Variants in CDH19 observed in about 807,000 individuals in gnomAD.
CDH19 encodes the protein cadherin-19.
CDH19 carries 67 observed loss-of-function variants against 64.2 expected under a neutral mutation model. The ratio of observed to expected loss-of-function variants is 1.04; its 90% CI spans 0.86 to 1.28. The LOEUF is 1.28. Among genes scored for constraint, CDH19 ranks in the 50% most tolerant of loss-of-function variants. The probability of loss-of-function intolerance (pLI) is 0.00; values close to 1 mark genes in which losing one functional copy is unlikely to be tolerated. For synonymous variants in CDH19, 346 were observed against 319.3 expected (o/e 1.08, Z -0.89); for missense variants, 1,030 against 929.0 (o/e 1.11, Z -1.41).
chr18:66,571,925 G>T, intron 2 of CDH19, 85 bp downstream of exon 2: 1 of 950,210 alleles, frequency 1.1e-6, no homozygotes. Flanking sequence ...GTAAAAATGT[G>T]GAACTCATCA....
At chr18:66,509,281 C>G (rs553634152) in intron 10 of CDH19, 35 bp from the exon 11 acceptor site, 2 of 1,595,296 alleles carry the variant, frequency 1.3e-6, no homozygotes, top group Non-Finnish European at 1.7e-6. Context: ...ATTTTTTCAA[C>G]TACGTAAGAG....
rs567588699 is a variant in CDH19 at position 66,559,647 on chromosome 18, G to A, written c.491-5123C>T. ...TTAGCAAGTCAACAGGGACACAAATGTTATATAAAAGTGCATTTTTTAATA... is the reference window on the plus strand; with the variant it reads ...TTAGCAAGTCAACAGGGACACAAATATTATATAAAAGTGCATTTTTTAATA... On this transcript the variant is annotated intron_variant, in intron 3 of 11. Coordinates refer to ENST00000262150, the MANE Select transcript of CDH19 (RefSeq NM_021153.4). 2.5e-3 allele frequency among the ~76,000 whole-genome samples: 371 copies of A among 150,068 alleles called. 1 individual carries two copies. The highest frequency in any genetic ancestry group is 4.2e-3 in the Non-Finnish European group (282 of 67,524).
rs566170929 is a variant in CDH19, at chr18:66,590,523, C to A, written c.-113+13431G>T. On this transcript the variant is annotated intron_variant, in intron 1 of 11. Coordinates refer to ENST00000262150, the MANE Select transcript of CDH19 (RefSeq NM_021153.4). The stretch of plus-strand genomic sequence containing the variant: ...AAGCCATTTTCTGGAATACGTATAT[C>A]TTTAAAAAAAAAAAAAGAAAATGCA... Among the ~76,000 whole-genome samples the A allele has an allele frequency of 8.7e-4, 85 of 97,770 alleles. 2 individuals are homozygous for A. The highest frequency in any genetic ancestry group is 3.1e-3 in the African/African-American group (80 of 26,062). 64.1% of individuals were successfully genotyped at this position (97,770 alleles called of 152,430 possible). A position where few individuals can be genotyped will look rare whatever the true frequency, so the allele number is the denominator to read the frequency against.
At chr18:66,523,688 C>T (rs769761977) in intron 9 of CDH19, among the ~76,000 whole-genome samples, 1 of 151,640 alleles carries the variant, frequency 6.6e-6, no homozygotes, top group Non-Finnish European at 1.5e-5. Flanking sequence ...AGTGCCTGTA[C>T]ATTTGGTACA....
chr18:66,596,920 A>C (rs1988906661), intron 1 of CDH19, among the ~76,000 whole-genome samples: 1 of 149,636 alleles, frequency 6.7e-6, no homozygotes, highest in East Asian at 2.0e-4. Flanking sequence ...GTCTCTACTA[A>C]AAATACAAAA....
intron 1 of CDH19, among the ~76,000 whole-genome samples, chr18:66,578,449 G>T (rs1320615541): frequency 6.6e-6 from 1 of 151,782 alleles, no homozygotes; most frequent in Non-Finnish European, 1.5e-5. Flanking sequence ...TTACTAGAAC[G>T]AATATAATTA....
chr18:66,557,721 T>C (rs974993089), intron 3 of CDH19, among the ~76,000 whole-genome samples: 3 of 151,936 alleles, frequency 2.0e-5, no homozygotes, highest in Non-Finnish European at 4.4e-5. Context: ...CTTACATTTT[T>C]TGTGTGTGAG....
At chr18:66,506,986 T>A (rs548494637) in intron 11 of CDH19, among the ~76,000 whole-genome samples, 1 of 151,854 alleles carries the variant, frequency 6.6e-6, no homozygotes, top group Admixed American at 6.6e-5. Flanking sequence ...GAGATAAACA[T>A]TTATAAAACA....
At chr18:66,564,865 CT>C (rs34986036) in intron 3 of CDH19, among the ~76,000 whole-genome samples, 65,081 of 144,386 alleles carry the variant, frequency 0.45, 14,302 homozygotes, top group Middle Eastern at 0.52. Flanking sequence ...AATGCCCCTT[CT>C]TTTTTTTTTT....
At chr18:66,539,962 C>G (rs879588977) in intron 7 of CDH19, among the ~76,000 whole-genome samples, 133 of 151,998 alleles carry the variant, frequency 8.8e-4, no homozygotes, top group Non-Finnish European at 1.3e-3. Context: ...CAAGAACTTC[C>G]TCTAAATGTA....
chr18:66,598,347 T>A (rs760898640), intron 1 of CDH19, among the ~76,000 whole-genome samples: 7 of 152,094 alleles, frequency 4.6e-5, no homozygotes, highest in Non-Finnish European at 8.8e-5. Flanking sequence ...TAACTATATA[T>A]TTGAAGGAAT....
rs555527146 is a variant in CDH19, at chr18:66,568,689, C to T, written c.217G>A (p.Gly73Arg). ...IGQLRSDLDN[G>R]NNSFQYKLLG... ...AGCTTGTACTGGAAAGAATTGTTTCCATTGTCTAAATCAGATCTTAGCTGC... is the reference window on the plus strand; with the variant it reads ...AGCTTGTACTGGAAAGAATTGTTTCTATTGTCTAAATCAGATCTTAGCTGC... The change falls in exon 3 of 12, where the codon GGA (glycine) becomes AGA (arginine). Residue 73 changes from glycine (G) to arginine (R), a missense_variant. Gly to Arg is a moderately radical substitution (Grantham distance 125). Transcript: ENST00000262150. 29 of 1,608,198 alleles carry T rather than the reference C, an allele frequency of 1.8e-5. 1 individual carries two copies. The Admixed American group carries it at 3.2e-4, about 18-fold the overall frequency.
intron 5 of CDH19, among the ~76,000 whole-genome samples, chr18:66,545,584 T>G (rs1192668531): frequency 6.6e-6 from 1 of 152,166 alleles, no homozygotes; most frequent in Non-Finnish European, 1.5e-5. Context: ...CTCCTCAATA[T>G]TCATGTTTTA....
intron 3 of CDH19, among the ~76,000 whole-genome samples, chr18:66,565,906 C>T (rs910655460): frequency 6.6e-6 from 1 of 151,966 alleles, no homozygotes; most frequent in African/African-American, 2.4e-5. Context: ...CTGGCACTCA[C>T]ACAGTATGTA....
intron 2 of CDH19, among the ~76,000 whole-genome samples, chr18:66,570,622 A>T (rs2144577821): frequency 6.6e-6 from 1 of 151,794 alleles, no homozygotes; most frequent in East Asian, 1.9e-4. Context: ...AACATTCATT[A>T]TTGTTCTTTT....
intron 6 of CDH19, 92 bp downstream of exon 6, chr18:66,544,627 A>C: frequency 1.3e-6 from 1 of 790,200 alleles, no homozygotes. Flanking sequence ...CATTTCAATT[A>C]TTTAATGAGT....
Position 66,572,172 on chromosome 18 carries a change from C to T in CDH19, c.33G>A (p.Leu11=), listed in dbSNP as rs80135198. The T allele has an allele frequency of 0.017, 27,905 of 1,610,876 alleles. 311 individuals are homozygous for T. Among genetic ancestry groups the T allele is most frequent in the Non-Finnish European group, 0.019 (22,847 of 1,178,018 alleles). MNCYLLLRFM[L]GIPLLWPCLG... is the part of the protein sequence containing the mutation. The stretch of plus-strand genomic sequence containing the variant: ...GACAAGGCCATAGGAGAGGAATTCC[C>T]AACATAAAACGCAGCAGTAAATAAC... Residue 11 remains leucine, a synonymous_variant, in exon 2 of 12, where the codon TTG becomes TTA. Coordinates refer to ENST00000262150, the MANE Select transcript of CDH19 (RefSeq NM_021153.4).
intron 7 of CDH19, among the ~76,000 whole-genome samples, chr18:66,541,923 A>G (rs1350508036): frequency 1.3e-5 from 2 of 152,128 alleles, no homozygotes; most frequent in Non-Finnish European, 2.9e-5. Context: ...ACATGTAGTA[A>G]GCATGCAATT....
chr18:66,544,560 T>C (rs1332359331), intron 6 of CDH19, among the ~76,000 whole-genome samples, 159 bp downstream of exon 6: 1 of 152,180 alleles, frequency 6.6e-6, no homozygotes, highest in African/African-American at 2.4e-5. Flanking sequence ...AAACACTCTG[T>C]AATAACTCTC....
Sources: gnomAD v4.1 joint callset for allele counts (sites outside exome capture counted in the v4.1 genomes callset) on GRCh38, gnomAD v4.1.1 for gene constraint, MANE v1.5 for transcripts, NCBI Gene and HGNC (gene_info 2026-07-23, HGNC 2026-07-21) for gene names.